Variants in GRID2 observed in about 807,000 individuals in gnomAD.
GRID2 encodes glutamate ionotropic receptor delta type subunit 2.
In GRID2, 33 loss-of-function variants were observed where a neutral mutation model predicts 114.8. That is an observed-to-expected ratio of 0.29 (90% confidence interval 0.22 to 0.38). GRID2 has a LOEUF of 0.38. Ranked by LOEUF, GRID2 falls within the 10% of genes least tolerant of loss-of-function variation. The pLI is 1.00. For synonymous variants in GRID2, 505 were observed against 449.9 expected (o/e 1.12, Z -1.55); for missense variants, 1,184 against 1,257.7 (o/e 0.94, Z 0.89).
At position 93,216,030 on chromosome 4, in the gene GRID2, A is replaced by G. The variant is rs1167891005; in HGVS notation, c.790-708A>G. Among the ~76,000 whole-genome samples, 7 of 152,148 alleles carry G rather than the reference A, an allele frequency of 4.6e-5. No homozygotes were observed. The South Asian group carries it at 8.3e-4, about 18-fold the overall frequency. ...AATCACTTTTATCCTAATTCCATTT[A>G]GAATAGATAAAATTTGTTTAGATAA... On this transcript the variant is annotated intron_variant, in intron 5 of 15. Transcript: ENST00000282020.
intron 2 of GRID2, chr4:92,702,394 C>A (rs949342873): frequency 2.0e-5 from 3 of 152,162 alleles, no homozygotes; most frequent in African/African-American, 7.2e-5. Flanking sequence ...GCTGCCGTAA[C>A]ATTCCCTACA....
In GRID2 at chr4:93,773,865, G is replaced by C. The variant is rs1467036480; in HGVS notation, c.*1367G>C. 2.0e-5 allele frequency: 3 copies of C among 152,070 alleles called. No homozygotes were observed. Among genetic ancestry groups the C allele is most frequent in the Non-Finnish European group, 4.4e-5 (3 of 67,978 alleles). 9.4% of individuals were successfully genotyped at this position (152,070 alleles called of 1,614,324 possible). On this transcript the variant is annotated 3_prime_UTR_variant, in exon 16 of 16. Transcript: ENST00000282020. ...TTTTTACATTAGTGCCAAGTATATA[G>C]AAGGATGACAGCAAAAACAGTGCCT...
chr4:93,522,611 A>G (rs1300554756), intron 13 of GRID2, among the ~76,000 whole-genome samples: 1 of 152,158 alleles, frequency 6.6e-6, no homozygotes, highest in South Asian at 2.1e-4. Context: ...AATCTGTGCT[A>G]TATAAAAGGA....
intron 2 of GRID2, among the ~76,000 whole-genome samples, chr4:93,032,080 A>G (rs1350901040): frequency 6.6e-6 from 1 of 152,166 alleles, no homozygotes; most frequent in Non-Finnish European, 1.5e-5. Context: ...AGACAGGAGA[A>G]CTTTCTAGAA....
chr4:93,146,347 G>C (rs1380916537), intron 4 of GRID2, among the ~76,000 whole-genome samples: 6 of 152,242 alleles, frequency 3.9e-5, no homozygotes, highest in Admixed American at 1.3e-4. Flanking sequence ...AAAGTTAAGA[G>C]GGCAATTCAA....
chr4:93,404,871 A>C (rs934674854), intron 9 of GRID2, among the ~76,000 whole-genome samples: 20 of 152,276 alleles, frequency 1.3e-4, no homozygotes, highest in African/African-American at 4.8e-4. Flanking sequence ...AAGTATCCTA[A>C]AAGTAAATTC....
chr4:93,330,763 C>A (rs1560506924), intron 8 of GRID2, among the ~76,000 whole-genome samples: 1 of 152,056 alleles, frequency 6.6e-6, no homozygotes, highest in African/African-American at 2.4e-5. Flanking sequence ...ATATAGACAA[C>A]CCTGTCAGAA....
intron 14 of GRID2, among the ~76,000 whole-genome samples, chr4:93,760,592 G>A (rs950781802): frequency 3.9e-5 from 6 of 152,120 alleles, no homozygotes; most frequent in Admixed American, 1.3e-4. Flanking sequence ...TCACCTCACC[G>A]GCAGGAGTTA....
intron 2 of GRID2, among the ~76,000 whole-genome samples, chr4:92,686,948 A>G (rs1173182008): frequency 1.3e-5 from 2 of 152,142 alleles, no homozygotes; most frequent in African/African-American, 4.8e-5. Flanking sequence ...TAGGTTTTAA[A>G]TTATTTGAAT....
chr4:92,992,475 G>A (rs890510078), intron 2 of GRID2, among the ~76,000 whole-genome samples: 2 of 152,022 alleles, frequency 1.3e-5, no homozygotes, highest in Admixed American at 1.3e-4. Flanking sequence ...GTATTATCTG[G>A]AGTTATTTTA....
At chr4:92,462,601 G>C (rs947497319) in intron 1 of GRID2, among the ~76,000 whole-genome samples, 3 of 151,822 alleles carry the variant, frequency 2.0e-5, no homozygotes, top group East Asian at 1.9e-4. Flanking sequence ...TAAAAAAATG[G>C]CTTGCTATTT....
At chr4:93,160,979 A>C (rs1053690789) in intron 4 of GRID2, among the ~76,000 whole-genome samples, 1 of 151,814 alleles carries the variant, frequency 6.6e-6, no homozygotes. Flanking sequence ...CAGTTGCAAA[A>C]CTGCCTCAGT....
chr4:92,887,392 T>C (rs1362821015), intron 2 of GRID2, among the ~76,000 whole-genome samples: 9 of 152,172 alleles, frequency 5.9e-5, no homozygotes, highest in African/African-American at 2.2e-4. Context: ...CAGCTCTGGA[T>C]TGAAGAAAGT....
rs192633053 is a variant in GRID2, at chr4:93,254,556, G to T, written c.1245+16066G>T. 2.0e-5 allele frequency among the ~76,000 whole-genome samples: 3 copies of T among 152,160 alleles called. No individual in the cohort carries two copies. The East Asian group carries it at 5.8e-4, about 29-fold the overall frequency. On this transcript the variant is annotated intron_variant, in intron 8 of 15. Coordinates refer to ENST00000282020, the MANE Select transcript of GRID2 (RefSeq NM_001510.4). ...TTTTAAATGGAATTGTATTTGAAAT[G>T]CTTTGCTTGAGAATTTCTTCTTTTG...
At chr4:92,629,518 G>A (rs937035376) in intron 2 of GRID2, among the ~76,000 whole-genome samples, 6 of 152,110 alleles carry the variant, frequency 3.9e-5, no homozygotes, top group African/African-American at 1.4e-4. Flanking sequence ...AAGTGAAGGG[G>A]AAAGAGGTGG....
In GRID2 at chr4:92,847,800, G is replaced by A. The variant is rs773544101; in HGVS notation, c.245-237195G>A. On this transcript the variant is annotated intron_variant, in intron 2 of 15. Coordinates refer to ENST00000282020, the MANE Select transcript of GRID2 (RefSeq NM_001510.4). The stretch of plus-strand genomic sequence containing the variant: ...GACACAGGACAGTTAAGTGGCAAAC[G>A]AACAAATCGTGTTCCATTTACTTTC... Among the ~76,000 whole-genome samples, 81 of 151,802 alleles carry A rather than the reference G, an allele frequency of 5.3e-4. 1 individual carries two copies. Among genetic ancestry groups the A allele is most frequent in the Admixed American group, 1.7e-3 (26 of 15,198 alleles).
chr4:93,260,429 A>G (rs1033581233), intron 8 of GRID2, among the ~76,000 whole-genome samples: 3 of 151,332 alleles, frequency 2.0e-5, no homozygotes, highest in East Asian at 1.9e-4. Flanking sequence ...CAAGATAAAT[A>G]TTATATATTT....
chr4:92,720,101 C>G (rs948093778), intron 2 of GRID2, among the ~76,000 whole-genome samples: 1 of 151,946 alleles, frequency 6.6e-6, no homozygotes, highest in Admixed American at 6.6e-5. Context: ...GTACTGTCTC[C>G]AGAACATTTC....
chr4:92,976,595 C>A (rs1753891113), intron 2 of GRID2, among the ~76,000 whole-genome samples: 1 of 152,022 alleles, frequency 6.6e-6, no homozygotes. Flanking sequence ...TCCCACTTCC[C>A]AACTTGCCTA....
Sources: allele counts gnomAD v4.1 joint callset (sites outside exome capture counted in the v4.1 genomes callset), GRCh38; gene constraint gnomAD v4.1.1; transcripts MANE v1.5; gene names NCBI Gene and HGNC (gene_info 2026-07-23, HGNC 2026-07-21).